Variants in FNDC3A observed in about 807,000 individuals in gnomAD.
The protein encoded by FNDC3A is fibronectin type-III domain-containing protein 3A.
Under a neutral mutation model 148.9 loss-of-function variants are expected in FNDC3A, and 32 were observed. That is an observed-to-expected ratio of 0.21 (90% CI 0.16 to 0.29). FNDC3A has a LOEUF of 0.29. Ranked by LOEUF, FNDC3A falls within the 10% of genes least tolerant of loss-of-function variation. The probability of loss-of-function intolerance (pLI) is 1.00; values close to 1 mark genes in which losing one functional copy is unlikely to be tolerated. For synonymous variants in FNDC3A, 472 were observed against 473.6 expected (o/e 1.00, Z 0.04); for missense variants, 1,191 against 1,452.8 (o/e 0.82, Z 2.93).
At chr13:49,012,805 A>ATGTGTGTGTGTG (rs61137549) in intron 2 of FNDC3A, among the ~76,000 whole-genome samples, 13,548 of 134,392 alleles carry the variant, frequency 0.1, 841 homozygotes, top group South Asian at 0.16. Flanking sequence ...GCAATTATAA[A>ATGTGTGTGTGTG]TGTGTGTGTG....
intron 2 of FNDC3A, among the ~76,000 whole-genome samples, chr13:49,041,911 A>T (rs1025231113): frequency 2.0e-5 from 3 of 152,178 alleles, no homozygotes; most frequent in Non-Finnish European, 4.4e-5. Flanking sequence ...TTGGTTTCAT[A>T]GTGAGCTTTT....
At chr13:49,021,680 G>A (rs1233062083) in intron 2 of FNDC3A, among the ~76,000 whole-genome samples, 1 of 152,084 alleles carries the variant, frequency 6.6e-6, no homozygotes, top group African/African-American at 2.4e-5. Flanking sequence ...CAAGCCTTTG[G>A]TTAATTTCTA....
chr13:49,092,594 A>G (rs915188125), intron 3 of FNDC3A, among the ~76,000 whole-genome samples: 1 of 152,126 alleles, frequency 6.6e-6, no homozygotes, highest in African/African-American at 2.4e-5. Context: ...GACACTCAGT[A>G]TTAATCATCA....
In FNDC3A at chr13:49,185,968, T is replaced by C. The variant is rs772453198; in HGVS notation, c.1622T>C (p.Ile541Thr). The change falls in exon 15 of 26, where the codon ATT becomes ACT. Residue 541 changes from isoleucine to threonine, a missense_variant. Physicochemically the swap from Ile to Thr is moderately conservative, Grantham distance 89. Around this residue, in one of 3 missense-constraint regions of FNDC3A, gnomAD observed 751 missense variants for 944.0 expected, o/e 0.80. Transcript: ENST00000492622. Reference sequence around the variant, plus strand: ...GTCTTTCTGTTCTCATCACAGGTTATTGCTTACAACTCAGAAGGTAAAAGT... The same window carrying C: ...GTCTTTCTGTTCTCATCACAGGTTACTGCTTACAACTCAGAAGGTAAAAGT... ...RRSTKYKFKV[I>T]AYNSEGKSNP... is the part of the protein sequence containing the mutation. The C allele has an allele frequency of 1.9e-6, 3 of 1,610,242 alleles. No homozygotes were observed. The highest frequency in any genetic ancestry group is 3.3e-5 in the Admixed American group (2 of 59,976).
At chr13:49,115,235 C>T (rs1446903481) in intron 4 of FNDC3A, among the ~76,000 whole-genome samples, 2 of 151,578 alleles carry the variant, frequency 1.3e-5, no homozygotes, top group Admixed American at 1.3e-4. Flanking sequence ...CACCTGTAAC[C>T]TTTTATGCAT....
chr13:49,015,319 C>G (rs1952472818), intron 2 of FNDC3A, among the ~76,000 whole-genome samples: 1 of 152,130 alleles, frequency 6.6e-6, no homozygotes, highest in South Asian at 2.1e-4. Context: ...CTTCACATCC[C>G]TTGTAAGTTG....
intron 4 of FNDC3A, among the ~76,000 whole-genome samples, chr13:49,126,877 C>G (rs1390635370): frequency 6.6e-6 from 1 of 152,128 alleles, no homozygotes; most frequent in Non-Finnish European, 1.5e-5. Flanking sequence ...TTCAGTGTTA[C>G]AAATATCCAG....
intron 5 of FNDC3A, among the ~76,000 whole-genome samples, chr13:49,133,869 A>C (rs1475062858): frequency 6.6e-6 from 1 of 152,108 alleles, no homozygotes; most frequent in African/African-American, 2.4e-5. Flanking sequence ...TTTCTACTAT[A>C]ATATATTCTT....
At chr13:49,174,632 C>A in intron 12 of FNDC3A, 73 bp downstream of exon 12, 1 of 1,317,196 alleles carries the variant, frequency 7.6e-7, no homozygotes, top group Non-Finnish European at 1.0e-6. Context: ...TAATTATTTA[C>A]TGTCCAAATT....
intron 1 of FNDC3A, among the ~76,000 whole-genome samples, chr13:48,997,434 G>A (rs952986458): frequency 6.6e-6 from 1 of 152,190 alleles, no homozygotes; most frequent in Non-Finnish European, 1.5e-5. Flanking sequence ...TGGACTGAAT[G>A]TTTGTATACC....
intron 3 of FNDC3A, among the ~76,000 whole-genome samples, chr13:49,086,654 A>G (rs900759435): frequency 1.3e-5 from 2 of 152,218 alleles, no homozygotes; most frequent in Admixed American, 6.5e-5. Context: ...TACTTTTTTC[A>G]TAATTAGCAA....
intron 16 of FNDC3A, 110 bp downstream of exon 16, chr13:49,187,300 G>T: frequency 2.1e-6 from 2 of 953,924 alleles, no homozygotes; most frequent in Non-Finnish European, 3.2e-6. Context: ...TTTTCATAAG[G>T]TACACCATAA....
chr13:49,007,431 T>C (rs1360020672), intron 2 of FNDC3A, among the ~76,000 whole-genome samples: 1 of 152,166 alleles, frequency 6.6e-6, no homozygotes, highest in Non-Finnish European at 1.5e-5. Flanking sequence ...AAATAGTAGA[T>C]GTGGCAGGTA....
intron 11 of FNDC3A, among the ~76,000 whole-genome samples, chr13:49,173,257 C>A (rs1483554660): frequency 6.6e-6 from 1 of 152,104 alleles, no homozygotes; most frequent in Non-Finnish European, 1.5e-5. Context: ...GGGAATTCGG[C>A]AGTATATTAA....
intron 1 of FNDC3A, among the ~76,000 whole-genome samples, chr13:48,997,750 T>C (rs148262691): frequency 6.6e-6 from 1 of 152,194 alleles, no homozygotes; most frequent in African/African-American, 2.4e-5. Context: ...GCAACCAGAC[T>C]ATGTTATTTT....
At chr13:49,035,328 A>G (rs995788447) in intron 2 of FNDC3A, among the ~76,000 whole-genome samples, 1 of 152,052 alleles carries the variant, frequency 6.6e-6, no homozygotes, top group Non-Finnish European at 1.5e-5. Context: ...TATACACTGT[A>G]TATACATATA....
At chr13:49,048,463 G>T (rs1205244181) in intron 2 of FNDC3A, among the ~76,000 whole-genome samples, 1 of 152,032 alleles carries the variant, frequency 6.6e-6, no homozygotes, top group Non-Finnish European at 1.5e-5. Context: ...AGCATGGGAT[G>T]TGTTTCTATT....
chr13:49,168,677 A>G lies in FNDC3A; in HGVS notation c.1102A>G (p.Ser368Gly), dbSNP rs1409989411. Residue 368 changes from serine to glycine, a missense_variant, in exon 10 of 26, where the codon AGC (serine) becomes GGC (glycine). Coordinates refer to ENST00000492622, the MANE Select transcript of FNDC3A (RefSeq NM_001079673.2). ...PSEAEIFTTL[S>G]CEPDIPNPPR... is the part of the protein sequence containing the mutation. ...AGAGGCTGAAATCTTTACCACCTTG[A>G]GCTGTGAACCTGATATACCTAATCC... The G allele has an allele frequency of 3.1e-6, 5 of 1,612,882 alleles. No individual in the cohort carries two copies. The highest frequency in any genetic ancestry group is 4.2e-6 in the Non-Finnish European group (5 of 1,178,948).
At chr13:49,090,775 G>A (rs894530183) in intron 3 of FNDC3A, among the ~76,000 whole-genome samples, 1 of 152,190 alleles carries the variant, frequency 6.6e-6, no homozygotes, top group Admixed American at 6.5e-5. Flanking sequence ...GCCAAGGTAG[G>A]AGGATCGTTT....
Sources: gnomAD v4.1 joint callset for allele counts (sites outside exome capture counted in the v4.1 genomes callset) on GRCh38, gnomAD v4.1.1 for gene constraint, gnomAD v4.1.1 regional missense constraint, MANE v1.5 for transcripts, NCBI Gene and HGNC (gene_info 2026-07-23, HGNC 2026-07-21) for gene names.